MAGI2: variants seen among roughly 807,000 people sequenced by gnomAD.
The protein encoded by MAGI2 is membrane-associated guanylate kinase, WW and PDZ domain-containing protein 2.
Under a neutral mutation model 133.3 loss-of-function variants are expected in MAGI2, and 35 were observed. That is an observed-to-expected ratio of 0.26 (90% CI 0.20 to 0.35). The LOEUF (loss-of-function observed/expected upper bound fraction) is 0.35. Ranked by LOEUF, MAGI2 falls within the 10% of genes least tolerant of loss-of-function variation. The pLI is 1.00. For synonymous variants in MAGI2, 729 were observed against 710.6 expected (o/e 1.03, Z -0.41); for missense variants, 1,636 against 1,863.4 (o/e 0.88, Z 2.25).
chr7:78,359,002 C>G (rs901692219), intron 7 of MAGI2: 2 of 152,526 alleles, frequency 1.3e-5, no homozygotes, highest in Non-Finnish European at 2.9e-5. Flanking sequence ...CCAAGGGCAG[C>G]AATATAGGTG....
intron 1 of MAGI2, among the ~76,000 whole-genome samples, chr7:79,119,984 G>T (rs992917212): frequency 2.0e-5 from 3 of 152,114 alleles, no homozygotes; most frequent in African/African-American, 7.2e-5. Context: ...ATTCAAATGA[G>T]TTCAAATTAG....
At chr7:79,236,422 C>T (rs1209979448) in intron 1 of MAGI2, among the ~76,000 whole-genome samples, 1 of 152,192 alleles carries the variant, frequency 6.6e-6, no homozygotes, top group Non-Finnish European at 1.5e-5. Flanking sequence ...GAACTGAAAA[C>T]AATCATTGCT....
chr7:78,853,884 A>G (rs1793392211), intron 2 of MAGI2, among the ~76,000 whole-genome samples: 1 of 151,842 alleles, frequency 6.6e-6, no homozygotes. Flanking sequence ...GAGGATAGGC[A>G]CCCTGCAATG....
chr7:79,342,565 T>G (rs1585639230), intron 1 of MAGI2, among the ~76,000 whole-genome samples: 1 of 152,196 alleles, frequency 6.6e-6, no homozygotes, highest in East Asian at 1.9e-4. Flanking sequence ...TAATCTGATA[T>G]TCCAGAAAAT....
At chr7:78,245,838 C>T (rs180819685) in intron 10 of MAGI2, among the ~76,000 whole-genome samples, 15 of 152,244 alleles carry the variant, frequency 9.9e-5, no homozygotes, top group Admixed American at 3.3e-4. Context: ...GAAGCCGACA[C>T]GGTGCCTTGC....
At chr7:79,033,150 T>C (rs1428963126) in intron 1 of MAGI2, among the ~76,000 whole-genome samples, 6 of 152,184 alleles carry the variant, frequency 3.9e-5, no homozygotes, top group Admixed American at 1.3e-4. Flanking sequence ...CCTTTGTTTC[T>C]GTACTAGTGA....
intron 2 of MAGI2, among the ~76,000 whole-genome samples, chr7:78,707,054 TAAC>T (rs1818723632): frequency 6.6e-6 from 1 of 150,830 alleles, no homozygotes; most frequent in African/African-American, 2.5e-5. Context: ...TCAAAGAAAC[TAAC>T]AACTACTAAA....
intron 18 of MAGI2, among the ~76,000 whole-genome samples, chr7:78,132,251 T>A (rs530890071): frequency 6.6e-6 from 1 of 152,324 alleles, no homozygotes; most frequent in East Asian, 1.9e-4. Context: ...GAGCCATGAC[T>A]TTTGTGGTTC....
At chr7:78,699,820 A>G (rs1461849781) in intron 2 of MAGI2, among the ~76,000 whole-genome samples, 3 of 152,158 alleles carry the variant, frequency 2.0e-5, no homozygotes, top group Non-Finnish European at 4.4e-5. Flanking sequence ...CCAACCATAA[A>G]AAGTGAGTAC....
chr7:78,924,833 CATT>C (rs971840903), intron 2 of MAGI2, among the ~76,000 whole-genome samples: 11 of 150,338 alleles, frequency 7.3e-5, no homozygotes, highest in African/African-American at 2.0e-4. Flanking sequence ...ATCCCTTCTA[CATT>C]ATTATTATTA....
intron 3 of MAGI2, among the ~76,000 whole-genome samples, chr7:78,552,455 T>A (rs905090108): frequency 6.6e-6 from 1 of 152,210 alleles, no homozygotes; most frequent in Non-Finnish European, 1.5e-5. Context: ...AGTGCTGGGA[T>A]TACAGGCGTA....
rs201000422 is a variant in MAGI2, at chr7:78,311,333, G to A, written c.1408+32445C>T. Among the ~76,000 whole-genome samples, 6 of 152,210 alleles carry A rather than the reference G, an allele frequency of 3.9e-5. No homozygotes were observed. The East Asian group carries it at 1.2e-3, about 29-fold the overall frequency. ...CAATGCCATAGAACAAGGGAAGGCA[G>A]AATTTCAAGGAGAATTGTGTGGTCC... On this transcript the variant is annotated intron_variant, in intron 9 of 21. Transcript: ENST00000354212.
At chr7:78,904,122 G>A (rs1035413224) in intron 2 of MAGI2, 2 of 152,158 alleles carry the variant, frequency 1.3e-5, no homozygotes, top group African/African-American at 4.8e-5. Flanking sequence ...ACCTTCCCAA[G>A]TTCTCAGACA....
intron 1 of MAGI2, among the ~76,000 whole-genome samples, chr7:79,234,742 T>C (rs1831718091): frequency 6.6e-6 from 1 of 150,560 alleles, no homozygotes; most frequent in Admixed American, 6.6e-5. Context: ...GGTTTGAATG[T>C]CCTCCCGTAG....
chr7:78,625,672 G>C (rs537139492), intron 3 of MAGI2, among the ~76,000 whole-genome samples: 1 of 152,220 alleles, frequency 6.6e-6, no homozygotes, highest in Admixed American at 6.6e-5. Flanking sequence ...GACTCACCCA[G>C]AGCAACTTAC....
intron 1 of MAGI2, among the ~76,000 whole-genome samples, chr7:79,282,477 A>G (rs114026361): frequency 1.3e-3 from 196 of 152,318 alleles, no homozygotes; most frequent in African/African-American, 4.1e-3. Context: ...TCTGCAGGAA[A>G]AAAGTTAGAG....
intron 20 of MAGI2, among the ~76,000 whole-genome samples, chr7:78,104,284 T>G (rs1281599984): frequency 6.6e-6 from 1 of 152,020 alleles, no homozygotes; most frequent in Non-Finnish European, 1.5e-5. Context: ...CTGCAGTGGC[T>G]CGATGTCGGC....
At position 78,740,873 on chromosome 7, in the gene MAGI2, A is replaced by T. The variant is rs547070922; in HGVS notation, c.419-113634T>A. 2.6e-5 allele frequency among the ~76,000 whole-genome samples: 4 copies of T among 152,256 alleles called. No homozygotes were observed. The South Asian group carries it at 8.3e-4, about 32-fold the overall frequency. ...AAGTTTTTAGTCACATAATTATTAT[A>T]ATATTATTTTAAACCTGAGAAGAAT... On this transcript the variant is annotated intron_variant, in intron 2 of 21. Transcript: ENST00000354212.
chr7:78,719,369 TA>T (rs535233431), intron 2 of MAGI2, among the ~76,000 whole-genome samples: 33 of 150,306 alleles, frequency 2.2e-4, no homozygotes, highest in African/African-American at 6.7e-4. Flanking sequence ...GGAAAAAAAA[TA>T]AAGAAAAAAA....
Sources: allele counts gnomAD v4.1 joint callset (sites outside exome capture counted in the v4.1 genomes callset), GRCh38; gene constraint gnomAD v4.1.1; transcripts MANE v1.5; gene names NCBI Gene and HGNC (gene_info 2026-07-23, HGNC 2026-07-21).